Variants in MYOM2 observed in about 807,000 individuals in gnomAD.
The protein encoded by MYOM2 is myomesin 2, also known as myomesin-2.
In MYOM2, 254 loss-of-function variants were observed where a neutral mutation model predicts 187.6. The ratio of observed to expected loss-of-function variants is 1.35; its 90% CI spans 1.22 to 1.50. MYOM2 has a LOEUF of 1.50. Among genes scored for constraint, MYOM2 ranks in the 40% most tolerant of loss-of-function variants. The pLI is 0.00. For synonymous variants in MYOM2, 981 were observed against 753.8 expected (o/e 1.30, Z -4.94); for missense variants, 2,796 against 1,924.0 (o/e 1.45, Z -8.48).
intron 19 of MYOM2, 142 bp downstream of exon 19, chr8:2,099,125 C>G: frequency 8.7e-7 from 1 of 1,152,202 alleles, no homozygotes; most frequent in Non-Finnish European, 1.2e-6. Flanking sequence ...CACCGTGCGC[C>G]AGGCGCCGTG....
chr8:2,048,734 G>A (rs1216061525), intron 1 of MYOM2, among the ~76,000 whole-genome samples: 1 of 152,014 alleles, frequency 6.6e-6, no homozygotes. Flanking sequence ...CAATATCAGG[G>A]CGGGTGGAGG....
chr8:2,049,754 C>T (rs969518948), intron 1 of MYOM2, among the ~76,000 whole-genome samples: 15 of 152,232 alleles, frequency 9.9e-5, no homozygotes, highest in Non-Finnish European at 2.2e-4. Context: ...CCCTACGTAA[C>T]TTTGCCGTGA....
At chr8:2,136,016 C>G (rs919885880) in intron 32 of MYOM2, among the ~76,000 whole-genome samples, 5 of 152,194 alleles carry the variant, frequency 3.3e-5, no homozygotes, top group African/African-American at 4.8e-5. Context: ...GACGCAGGGA[C>G]AGCGGGAGCC....
intron 25 of MYOM2, 77 bp from the exon 26 acceptor site, chr8:2,115,883 C>G (rs948061222): frequency 4.1e-6 from 6 of 1,477,806 alleles, no homozygotes; most frequent in Non-Finnish European, 5.5e-6. Context: ...ATGGCTGATG[C>G]AATTGTTAAA....
Position 2,129,315 on chromosome 8 carries a change from G to C in MYOM2, c.3800+83G>C, listed in dbSNP as rs574817937. On this transcript the variant is annotated intron_variant, in intron 32 of 36. Coordinates refer to ENST00000262113, the MANE Select transcript of MYOM2 (RefSeq NM_003970.4). ...CAGCTGGGACCAGGCGCTCCCTGGG[G>C]AACATCAAGGCACTGCCATTTCCCC... is the stretch of plus-strand genomic sequence containing the variant. 3 of 833,796 alleles carry C rather than the reference G, an allele frequency of 3.6e-6. No individual in the cohort carries two copies. In the Admixed American group the frequency reaches 5.6e-5, roughly 16 times the overall value. The allele number at this position is 833,796 out of a possible 1,614,324, so 51.6% of individuals were successfully genotyped here.
At position 2,065,527 on chromosome 8, in the gene MYOM2, G is replaced by A. The variant is rs1366840606; in HGVS notation, c.654-3751G>A. Among the ~76,000 whole-genome samples, 7 of 152,238 alleles carry A rather than the reference G, an allele frequency of 4.6e-5. No homozygotes were observed. The South Asian group carries it at 8.3e-4, about 18-fold the overall frequency. ...GGAGGTTTCAGTGAGCCAAGATCAC[G>A]CCACTGCACTTCAGCCCGGGTGACA... On this transcript the variant is annotated intron_variant, in intron 6 of 36. Coordinates refer to ENST00000262113, the MANE Select transcript of MYOM2 (RefSeq NM_003970.4).
intron 20 of MYOM2, 46 bp downstream of exon 20, chr8:2,101,100 C>A: frequency 6.3e-7 from 1 of 1,593,778 alleles, no homozygotes; most frequent in African/African-American, 1.3e-5. Context: ...AATCCCAGCA[C>A]TTTGGGAGGT....
intron 20 of MYOM2, among the ~76,000 whole-genome samples, chr8:2,101,501 C>T (rs1001055483): frequency 5.3e-5 from 8 of 152,202 alleles, no homozygotes; most frequent in East Asian, 3.9e-4. Flanking sequence ...TTCAGATGAC[C>T]GGGGCGTGGC....
At chr8:2,072,867 G>A (rs1293094186) in intron 9 of MYOM2, among the ~76,000 whole-genome samples, 2 of 152,218 alleles carry the variant, frequency 1.3e-5, no homozygotes, top group African/African-American at 2.4e-5. Flanking sequence ...TACCTTAGTC[G>A]TATTGAGATT....
At chr8:2,096,070 T>A (rs1191065109) in intron 17 of MYOM2, among the ~76,000 whole-genome samples, 177 bp from the exon 18 acceptor site, 1 of 152,162 alleles carries the variant, frequency 6.6e-6, no homozygotes, top group African/African-American at 2.4e-5. Flanking sequence ...TCATCCCCTT[T>A]AAAAAGGTGT....
chr8:2,094,620 C>A (rs1796419361), intron 17 of MYOM2, among the ~76,000 whole-genome samples: 1 of 152,224 alleles, frequency 6.6e-6, no homozygotes, highest in African/African-American at 2.4e-5. Context: ...CACTGTACTC[C>A]AGCCTGGGGG....
chr8:2,127,380 T>A (rs1469702663), intron 31 of MYOM2, among the ~76,000 whole-genome samples: 2 of 152,162 alleles, frequency 1.3e-5, no homozygotes, highest in Non-Finnish European at 2.9e-5. Flanking sequence ...CTCACTCGGT[T>A]CCCTGCGCAC....
At chr8:2,085,028 T>C in intron 13 of MYOM2, 1 of 485,338 alleles carries the variant, frequency 2.1e-6, no homozygotes, top group South Asian at 3.5e-5. Flanking sequence ...TCGGGTGAGA[T>C]TCCTTTCCTA....
At position 2,143,474 on chromosome 8, in the gene MYOM2, G is replaced by T; in HGVS notation, c.4080+18G>T. 1 of 1,614,042 alleles carries T rather than the reference G, an allele frequency of 6.2e-7. No homozygotes were observed. The highest frequency in any genetic ancestry group is 8.5e-7 in the Non-Finnish European group (1 of 1,179,988). Reference sequence around the variant, plus strand: ...AAGGGAAGGTGAGGATTCTAAACTCGGCCGGGGTGGGGGTGTCAGCACGGT... The same window carrying T: ...AAGGGAAGGTGAGGATTCTAAACTCTGCCGGGGTGGGGGTGTCAGCACGGT... On this transcript the variant is annotated intron_variant, in intron 36 of 36. Transcript: ENST00000262113.
At chr8:2,074,564 C>A (rs2129335360) in intron 10 of MYOM2, among the ~76,000 whole-genome samples, 1 of 152,278 alleles carries the variant, frequency 6.6e-6, no homozygotes, top group Admixed American at 6.5e-5. Context: ...AAGCGATTCT[C>A]CTGCCTCAGC....
intron 5 of MYOM2, among the ~76,000 whole-genome samples, 198 bp downstream of exon 5, chr8:2,057,978 G>C (rs910296443): frequency 7.7e-6 from 1 of 129,964 alleles, no homozygotes; most frequent in Admixed American, 8.0e-5. Context: ...ATGACATTGA[G>C]TCAACAAATT....
intron 36 of MYOM2, 138 bp from the exon 37 acceptor site, chr8:2,144,526 A>G (rs983588142): frequency 1.1e-5 from 10 of 877,522 alleles, no homozygotes; most frequent in Non-Finnish European, 1.6e-5. Context: ...GCTCATGTAC[A>G]TAAAGGCTTG....
rs745468662 is a variant in MYOM2 at position 2,079,632 on chromosome 8, C to G, written c.1516+19C>G. The G allele has an allele frequency of 6.2e-7, 1 of 1,612,524 alleles. No individual in the cohort carries two copies. Among genetic ancestry groups the G allele is most frequent in the Non-Finnish European group, 8.5e-7 (1 of 1,178,558 alleles). ...CTTGAAGGTAAGTAGCACCTCATCA[C>G]CCCAGCTGCTCAGCCCCTGGGGATT... On this transcript the variant is annotated intron_variant, in intron 13 of 36. Coordinates refer to ENST00000262113, the MANE Select transcript of MYOM2 (RefSeq NM_003970.4).
chr8:2,141,256 G>A (rs1798265179), intron 34 of MYOM2, 79 bp downstream of exon 34: 4 of 1,288,870 alleles, frequency 3.1e-6, no homozygotes, highest in Middle Eastern at 1.9e-4. Flanking sequence ...GTGGGAATCT[G>A]TATGGAAGCC....
Sources: gnomAD v4.1 joint callset for allele counts (sites outside exome capture counted in the v4.1 genomes callset) on GRCh38, gnomAD v4.1.1 for gene constraint, MANE v1.5 for transcripts, NCBI Gene and HGNC (gene_info 2026-07-23, HGNC 2026-07-21) for gene names.